The following SYNE1 variants were observed in gnomAD, a reference collection of about 807,000 sequenced individuals.
SYNE1 encodes spectrin repeat containing nuclear envelope protein 1, also known as nesprin-1.
SYNE1 carries 616 observed loss-of-function variants against 1,111.0 expected under a neutral mutation model. The observed-to-expected ratio is 0.55, with a 90% CI of 0.52 to 0.59. SYNE1 has a LOEUF of 0.59. SYNE1 is among the 20% of genes least tolerant of loss of function. The probability of loss-of-function intolerance (pLI) is 0.00; values close to 1 mark genes in which losing one functional copy is unlikely to be tolerated. For missense variants in SYNE1, 10,006 were observed against 10,417.0 expected (o/e 0.96, Z 1.72); for synonymous variants, 3,855 against 3,825.8 (o/e 1.01, Z -0.28).
intron 40 of SYNE1, among the ~76,000 whole-genome samples, chr6:152,419,197 T>G (rs1278739479): frequency 6.6e-6 from 1 of 152,210 alleles, no homozygotes; most frequent in African/African-American, 2.4e-5. Flanking sequence ...TAAAGCTGAA[T>G]AGTAATTCAG....
chr6:152,565,372 C>G (rs2099409590), intron 3 of SYNE1, among the ~76,000 whole-genome samples: 1 of 152,174 alleles, frequency 6.6e-6, no homozygotes, highest in South Asian at 2.1e-4. Flanking sequence ...ACCTAGTATT[C>G]ATTCCTAAGG....
At chr6:152,353,130 G>A (rs2096770999) in intron 69 of SYNE1, 133 bp downstream of exon 69, 1 of 1,240,726 alleles carries the variant, frequency 8.1e-7, no homozygotes, top group Non-Finnish European at 1.2e-6. Flanking sequence ...AGTATTTCAA[G>A]TAAAATGATG....
intron 137 of SYNE1, chr6:152,147,785 GAGA>G (rs2059778417): frequency 8.8e-6 from 4 of 457,056 alleles, no homozygotes; most frequent in Middle Eastern, 6.4e-4. Flanking sequence ...GAAGCTCTGG[GAGA>G]AGAAGAGGAA....
rs781708999 is a variant in SYNE1, at chr6:152,471,782, G to C, written c.1464-17C>G. The C allele has an allele frequency of 3.7e-6, 6 of 1,611,662 alleles. No individual in the cohort carries two copies. The South Asian group carries it at 5.5e-5, about 15-fold the overall frequency. On this transcript the variant is annotated splice_polypyrimidine_tract_variant and intron_variant, in intron 15 of 145. Coordinates refer to ENST00000367255, the MANE Select transcript of SYNE1 (RefSeq NM_182961.4). ...AAATGAAACCTAGAAATAAAACAGGGAGAATTTATAGAATGTAACTAATAG... is the reference window on the plus strand; with the variant it reads ...AAATGAAACCTAGAAATAAAACAGGCAGAATTTATAGAATGTAACTAATAG...
intron 124 of SYNE1, among the ~76,000 whole-genome samples, chr6:152,208,721 ACT>A (rs1051536815): frequency 6.6e-6 from 1 of 152,124 alleles, no homozygotes; most frequent in African/African-American, 2.4e-5. Context: ...TACTCCATAA[ACT>A]CTCTCAGTAT....
intron 121 of SYNE1, among the ~76,000 whole-genome samples, chr6:152,217,786 G>A (rs570905728): frequency 6.6e-6 from 1 of 152,204 alleles, no homozygotes; most frequent in East Asian, 1.9e-4. Context: ...AGGGAGGAGT[G>A]AGGTGGCTTC....
chr6:152,558,704 C>G (rs1040997841), intron 3 of SYNE1, among the ~76,000 whole-genome samples: 1 of 152,090 alleles, frequency 6.6e-6, no homozygotes, highest in African/African-American at 2.4e-5. Flanking sequence ...TGAATGCTAA[C>G]AGAATCGAAG....
Position 152,323,494 on chromosome 6 carries a change from G to T in SYNE1, c.15901C>A (p.Gln5301Lys). 1 of 1,613,894 alleles carries T rather than the reference G, an allele frequency of 6.2e-7. No homozygotes were observed. The highest frequency in any genetic ancestry group is 1.3e-5 in the African/African-American group (1 of 75,066). Residue 5301 changes from glutamine (Q) to lysine (K), a missense_variant, in exon 82 of 146, where the codon CAA becomes AAA. Physicochemically the swap from Gln to Lys is moderately conservative, Grantham distance 53. Transcript: ENST00000367255. ...PPLMQEITAM[Q>K]DRCLNMQEKV... The stretch of plus-strand genomic sequence containing the variant: ...CTTAATTACTTCAGGCACCGATCTT[G>T]CATGGCGGTGATTTCCTGCATGAGC...
At chr6:152,602,101 C>T (rs1469425480) in intron 3 of SYNE1, among the ~76,000 whole-genome samples, 1 of 152,132 alleles carries the variant, frequency 6.6e-6, no homozygotes, top group African/African-American at 2.4e-5. Flanking sequence ...CAACCCTCAG[C>T]TTGAGAAAGA....
chr6:152,435,379 GT>G (rs200987680), intron 33 of SYNE1: 112 of 145,454 alleles, frequency 7.7e-4, no homozygotes, highest in South Asian at 2.0e-3. Flanking sequence ...AGGCCAAGCA[GT>G]TTTTTTTTTT....
intron 87 of SYNE1, among the ~76,000 whole-genome samples, chr6:152,312,133 T>C (rs1229074474): frequency 6.6e-6 from 1 of 152,056 alleles, no homozygotes; most frequent in Non-Finnish European, 1.5e-5. Context: ...CAATAAATGT[T>C]TATAAATATA....
intron 104 of SYNE1, among the ~76,000 whole-genome samples, chr6:152,253,813 GTTTGGTTTTTTTTTTTTTT>G (rs2090007342): frequency 2.4e-4 from 8 of 33,230 alleles, no homozygotes; most frequent in African/African-American, 4.8e-4. Flanking sequence ...ATGTGTAGTG[GTTTGGTTTTTTTTTTTTTT>G]TTTTTTTTTT....
intron 63 of SYNE1, 122 bp downstream of exon 63, chr6:152,364,725 G>GAAGA (rs2097027654): frequency 8.8e-7 from 1 of 1,133,704 alleles, no homozygotes. Context: ...AGGAAGGAAG[G>GAAGA]AAGGGAGGAA....
chr6:152,261,611 T>C (rs539412937), intron 101 of SYNE1, among the ~76,000 whole-genome samples: 35 of 152,334 alleles, frequency 2.3e-4, no homozygotes, highest in African/African-American at 8.2e-4. Context: ...CTGAAATTAT[T>C]AAATACTGGA....
At chr6:152,295,615 G>GACACAC (rs57149645) in intron 93 of SYNE1, among the ~76,000 whole-genome samples, 2 of 150,472 alleles carry the variant, frequency 1.3e-5, no homozygotes, top group Admixed American at 6.6e-5. Flanking sequence ...GTGTGTTACT[G>GACACAC]ACACACACAC....
chr6:152,243,712 A>G (rs181707805), intron 106 of SYNE1, among the ~76,000 whole-genome samples: 1 of 152,352 alleles, frequency 6.6e-6, no homozygotes, highest in Admixed American at 6.5e-5. Context: ...TTATTTTCTC[A>G]AAGAAAGAAC....
rs1216075785 is a variant in SYNE1 at position 152,447,530 on chromosome 6, T to C, written c.3597A>G (p.Glu1199=). The C allele has an allele frequency of 6.2e-7, 1 of 1,614,110 alleles. No individual in the cohort carries two copies. The highest frequency in any genetic ancestry group is 1.3e-5 in the African/African-American group (1 of 74,942). Residue 1199 remains glutamate (E), a synonymous_variant, in exon 29 of 146, where the codon GAA becomes GAG. Transcript: ENST00000367255. ...CCAGCTCATCTCCCTGCTTTTGGGCTTCATTCTCAGAAGAAACTTCTGTCA... is the reference window on the plus strand; with the variant it reads ...CCAGCTCATCTCCCTGCTTTTGGGCCTCATTCTCAGAAGAAACTTCTGTCA... The part of the protein sequence containing the change: ...KVLTEVSSEN[E]AQKQGDELAK...
intron 3 of SYNE1, among the ~76,000 whole-genome samples, chr6:152,541,718 A>T (rs2099270880): frequency 7.1e-6 from 1 of 140,054 alleles, no homozygotes; most frequent in Non-Finnish European, 1.5e-5. Context: ...ACTGCACTCC[A>T]GCCTGGGCGT....
At chr6:152,555,669 G>C (rs2099362672) in intron 3 of SYNE1, among the ~76,000 whole-genome samples, 1 of 152,048 alleles carries the variant, frequency 6.6e-6, no homozygotes, top group Non-Finnish European at 1.5e-5. Context: ...CCCAAGAAAA[G>C]TTACTTGCAA....
Sources: gnomAD v4.1 joint callset for allele counts (sites outside exome capture counted in the v4.1 genomes callset) on GRCh38, gnomAD v4.1.1 for gene constraint, MANE v1.5 for transcripts, NCBI Gene and HGNC (gene_info 2026-07-23, HGNC 2026-07-21) for gene names.